Variants in GPM6B observed in about 807,000 individuals in gnomAD.
GPM6B encodes glycoprotein M6B.
A neutral mutation model predicts 27.2 loss-of-function variants in GPM6B; 4 were observed. That is an observed-to-expected ratio of 0.15 (90% CI 0.07 to 0.34). GPM6B has a LOEUF of 0.34. GPM6B is among the 10% of genes least tolerant of loss of function. The pLI is 1.00. For synonymous variants in GPM6B, 124 were observed against 103.1 expected (o/e 1.20, Z -1.23); for missense variants, 183 against 261.9 (o/e 0.70, Z 2.08).
At chrX:13,910,449 G>A (rs1194814501) in intron 1 of GPM6B, among the ~76,000 whole-genome samples, 1 of 113,139 alleles carries the variant, frequency 8.8e-6, no homozygotes, top group Non-Finnish European at 1.9e-5. Flanking sequence ...TGATGACTAT[G>A]TCAAACACGG....
intron 1 of GPM6B, among the ~76,000 whole-genome samples, chrX:13,829,258 ACTC>A (rs952840395): frequency 2.7e-5 from 3 of 110,749 alleles, no homozygotes; most frequent in African/African-American, 6.6e-5. Context: ...TGCCAGCCCC[ACTC>A]CAATGCTTAC....
chrX:13,841,833 C>A (rs1436720346), intron 1 of GPM6B, among the ~76,000 whole-genome samples: 1 of 111,634 alleles, frequency 9.0e-6, no homozygotes, highest in Non-Finnish European at 1.9e-5. Context: ...GACTCTCTGC[C>A]ATGCTCACCC....
chrX:13,779,969 C>T lies in GPM6B; in HGVS notation c.546G>A (p.Val182=). Residue 182 remains valine, a synonymous_variant, in exon 5 of 8, where the codon GTG becomes GTA. Coordinates refer to ENST00000316715, the MANE Select transcript of GPM6B (RefSeq NM_001001995.3). ...ISGMFVFLTY[V]LGVAWLGVFG... is the part of the protein sequence containing the mutation. ...ACACACCCAGCCAGGCCACTCCAAG[C>T]ACATAGGTGAGGAAAACGAACTAGG... is the stretch of plus-strand genomic sequence containing the variant. 1 of 1,191,587 alleles carries T rather than the reference C, an allele frequency of 8.4e-7. No individual in the cohort carries two copies.
At chrX:13,779,501 A>G (rs112903767) in intron 5 of GPM6B, among the ~76,000 whole-genome samples, 1,523 of 112,006 alleles carry the variant, frequency 0.014, 24 homozygotes, top group African/African-American at 0.047. Context: ...AAAAAATACA[A>G]TCTTTTTGTA....
chrX:13,913,978 C>T (rs769739252), intron 1 of GPM6B, among the ~76,000 whole-genome samples: 2 of 111,167 alleles, frequency 1.8e-5, no homozygotes, highest in Non-Finnish European at 1.9e-5. Flanking sequence ...TCCCGAACTC[C>T]TGGGCTCAAG....
intron 2 of GPM6B, among the ~76,000 whole-genome samples, chrX:13,797,933 T>C (rs1451526181): frequency 1.8e-5 from 2 of 111,055 alleles, no homozygotes; most frequent in African/African-American, 6.6e-5. Flanking sequence ...TTCTAGAAAA[T>C]GCAAACTAAT....
intron 1 of GPM6B, among the ~76,000 whole-genome samples, chrX:13,929,655 G>A (rs927130393): frequency 1.1e-4 from 12 of 111,139 alleles, no homozygotes; most frequent in Non-Finnish European, 2.3e-4. Context: ...CCCTCCCTGG[G>A]TTATCTGGCA....
chrX:13,788,549 T>C (rs1203238618), intron 2 of GPM6B, among the ~76,000 whole-genome samples: 1 of 109,655 alleles, frequency 9.1e-6, no homozygotes, highest in African/African-American at 3.3e-5. Flanking sequence ...TGTGTATATA[T>C]AGATGTATAC....
At chrX:13,894,193 C>A (rs1277617694) in intron 1 of GPM6B, among the ~76,000 whole-genome samples, 1 of 112,152 alleles carries the variant, frequency 8.9e-6, no homozygotes, top group African/African-American at 3.2e-5. Flanking sequence ...CCCAGACACA[C>A]TGATCCCCTC....
At chrX:13,791,819 G>A (rs2048718959) in intron 2 of GPM6B, among the ~76,000 whole-genome samples, 1 of 110,545 alleles carries the variant, frequency 9.0e-6, no homozygotes, top group Admixed American at 9.7e-5. Flanking sequence ...TTTAATGCTG[G>A]CTCAGACGTA....
chrX:13,797,157 A>T (rs374543854), intron 2 of GPM6B, among the ~76,000 whole-genome samples: 1 of 112,271 alleles, frequency 8.9e-6, no homozygotes, highest in East Asian at 2.8e-4. Context: ...ATTCCATTCA[A>T]TGAGTGTCTG....
intron 1 of GPM6B, among the ~76,000 whole-genome samples, chrX:13,878,143 A>G (rs892018712): frequency 7.1e-5 from 6 of 84,996 alleles, no homozygotes; most frequent in African/African-American, 3.1e-4. Context: ...GGAAAATTAT[A>G]CCTTAATAAA....
intron 1 of GPM6B, among the ~76,000 whole-genome samples, chrX:13,937,655 CTT>C (rs1442679094): frequency 8.9e-6 from 1 of 111,743 alleles, no homozygotes; most frequent in Non-Finnish European, 1.9e-5. Flanking sequence ...CCACAGCACT[CTT>C]TACGAGTTTT....
intron 1 of GPM6B, among the ~76,000 whole-genome samples, chrX:13,870,210 T>C (rs1289909097): frequency 8.9e-6 from 1 of 112,381 alleles, no homozygotes; most frequent in East Asian, 2.8e-4. Flanking sequence ...CCTTGATCAC[T>C]TGGCTAAGGT....
chrX:13,930,613 C>CAAA (rs143684071), intron 1 of GPM6B, among the ~76,000 whole-genome samples: 1 of 78,724 alleles, frequency 1.3e-5, no homozygotes, highest in Non-Finnish European at 2.5e-5. Context: ...GACTCCGTCT[C>CAAA]AAAAAAAAAA....
exon 1 of GPM6B, chrX:13,938,370 C>A (rs1397594411): frequency 3.5e-6 from 1 of 286,086 alleles, no homozygotes; most frequent in Non-Finnish European, 6.0e-6. Context: ...CCACCTCCAG[C>A]GTCCCGGCTT....
chrX:13,850,766 C>A (rs763304498), intron 1 of GPM6B, among the ~76,000 whole-genome samples: 7 of 112,224 alleles, frequency 6.2e-5, no homozygotes, highest in African/African-American at 2.3e-4. Context: ...TTAGGACATG[C>A]AATGAATAAA....
chrX:13,900,432 A>G (rs1161596721), intron 1 of GPM6B, among the ~76,000 whole-genome samples: 1 of 110,967 alleles, frequency 9.0e-6, no homozygotes, highest in Admixed American at 9.6e-5. Flanking sequence ...GGTTACCCGA[A>G]ATTGGAGGGA....
chrX:13,915,663 G>A (rs1351604640), intron 1 of GPM6B, among the ~76,000 whole-genome samples: 2 of 112,508 alleles, frequency 1.8e-5, no homozygotes, highest in African/African-American at 6.5e-5. Context: ...CACATAGTAA[G>A]GACTCAGTAA....
Sources: allele counts gnomAD v4.1 joint callset (sites outside exome capture counted in the v4.1 genomes callset), GRCh38; gene constraint gnomAD v4.1.1; transcripts MANE v1.5; gene names NCBI Gene and HGNC (gene_info 2026-07-23, HGNC 2026-07-21).